Variants in NEDD4L observed in about 807,000 individuals in gnomAD.
The protein encoded by NEDD4L is E3 ubiquitin-protein ligase NEDD4-like.
A neutral mutation model predicts 148.9 loss-of-function variants in NEDD4L; 54 were observed. That is an observed-to-expected ratio of 0.36 (90% CI 0.29 to 0.45). The LOEUF is 0.45. NEDD4L is among the 20% of genes least tolerant of loss of function. The probability of loss-of-function intolerance (pLI) is 1.00; values close to 1 mark genes in which losing one functional copy is unlikely to be tolerated. For missense variants in NEDD4L, 856 were observed against 1,233.8 expected (o/e 0.69, Z 4.59); for synonymous variants, 433 against 440.7 (o/e 0.98, Z 0.22).
chr18:58,110,053 C>T (rs1170861369), intron 1 of NEDD4L, among the ~76,000 whole-genome samples: 1 of 80,108 alleles, frequency 1.2e-5, no homozygotes, highest in Non-Finnish European at 2.5e-5. Flanking sequence ...ACTTGGGCTG[C>T]CCTAGGGCTG....
intron 2 of NEDD4L, among the ~76,000 whole-genome samples, chr18:58,182,392 A>G (rs1346757715): frequency 1.3e-5 from 2 of 152,106 alleles, no homozygotes; most frequent in Non-Finnish European, 1.5e-5. Flanking sequence ...AAAAAGTGTC[A>G]GTTGAGATGA....
chr18:58,184,080 A>G (rs2039172124), intron 2 of NEDD4L, among the ~76,000 whole-genome samples: 2 of 151,906 alleles, frequency 1.3e-5, no homozygotes, highest in African/African-American at 2.4e-5. Context: ...GAGGCAGGAG[A>G]ATGGCGAGAA....
In NEDD4L at chr18:58,310,917, C is replaced by G. The variant is rs138668387; in HGVS notation, c.298-5065C>G. Among the ~76,000 whole-genome samples, 64 of 152,308 alleles carry G rather than the reference C, an allele frequency of 4.2e-4. 1 individual carries two copies. The highest frequency in any genetic ancestry group is 4.6e-4 in the Admixed American group (7 of 15,296). Reference sequence around the variant, plus strand: ...ACCTCGATCTGTAACATACAAAGATCTGATCATATGCTGTCTTTGCTTACA... The same window carrying G: ...ACCTCGATCTGTAACATACAAAGATGTGATCATATGCTGTCTTTGCTTACA... On this transcript the variant is annotated intron_variant, in intron 5 of 30. Transcript: ENST00000400345.
intron 13 of NEDD4L, among the ~76,000 whole-genome samples, chr18:58,338,361 C>T (rs2042023794): frequency 6.6e-6 from 1 of 152,240 alleles, no homozygotes; most frequent in African/African-American, 2.4e-5. Context: ...GTCCTGCCCC[C>T]TCAACTAGCC....
chr18:58,274,519 C>T (rs1041259331), intron 5 of NEDD4L, among the ~76,000 whole-genome samples: 5 of 152,170 alleles, frequency 3.3e-5, no homozygotes, highest in African/African-American at 1.2e-4. Context: ...TGATAAACAG[C>T]TGCAGTGCCC....
At chr18:58,091,477 G>A (rs1433588888) in intron 1 of NEDD4L, 4 of 152,334 alleles carry the variant, frequency 2.6e-5, no homozygotes, top group African/African-American at 9.6e-5. Context: ...GGGCTGGTAT[G>A]TGCTGGTGCC....
intron 1 of NEDD4L, among the ~76,000 whole-genome samples, chr18:58,141,216 A>G (rs1406699604): frequency 3.3e-5 from 5 of 152,184 alleles, no homozygotes; most frequent in African/African-American, 1.2e-4. Flanking sequence ...GGAGGTCATT[A>G]CCTGGCGGGG....
In NEDD4L at chr18:58,342,929, T is replaced by C. The variant is rs745620461; in HGVS notation, c.1401T>C (p.Arg467=). Reference sequence around the variant, plus strand: ...AGGGTGCCAAGGACTCACCCGTACGTCGGGCTGTGAAAGACACCCTTTCCA... The same window carrying C: ...AGGGTGCCAAGGACTCACCCGTACGCCGGGCTGTGAAAGACACCCTTTCCA... ...PLEGAKDSPV[R]RAVKDTLSNP... is the part of the protein sequence containing the mutation. Residue 467 remains arginine, a synonymous_variant, in exon 16 of 31, where the codon CGT becomes CGC. Coordinates refer to ENST00000400345, the MANE Select transcript of NEDD4L (RefSeq NM_001144967.3). 6.2e-7 allele frequency: 1 copy of C among 1,611,748 alleles called. No individual in the cohort carries two copies. Among genetic ancestry groups the C allele is most frequent in the Non-Finnish European group, 8.5e-7 (1 of 1,178,906 alleles).
chr18:58,168,153 A>G (rs1486232704), intron 2 of NEDD4L, among the ~76,000 whole-genome samples: 1 of 152,222 alleles, frequency 6.6e-6, no homozygotes, highest in Non-Finnish European at 1.5e-5. Flanking sequence ...AGTGCCAGAA[A>G]ATGCATCAGA....
At chr18:58,282,577 C>T (rs1568568670) in intron 5 of NEDD4L, among the ~76,000 whole-genome samples, 1 of 152,196 alleles carries the variant, frequency 6.6e-6, no homozygotes, top group Non-Finnish European at 1.5e-5. Context: ...TGGCTTATGT[C>T]AGTGAATTGG....
At chr18:58,341,827 C>T (rs776284909) in intron 15 of NEDD4L, 30 bp downstream of exon 15, 18 of 1,602,558 alleles carry the variant, frequency 1.1e-5, no homozygotes, top group Non-Finnish European at 1.4e-5. Context: ...TAACTGGACT[C>T]ACTCTGTCCT....
rs146399200 is a variant in NEDD4L at position 58,122,146 on chromosome 18, G to A, written c.49-43642G>A. ...GCCCTAGGGCTGGGGTGGAAGTGATGGTTTTGTGCCCACAACCTGATGGCA... is the reference window on the plus strand; with the variant it reads ...GCCCTAGGGCTGGGGTGGAAGTGATAGTTTTGTGCCCACAACCTGATGGCA... On this transcript the variant is annotated intron_variant, in intron 1 of 30. Transcript: ENST00000400345. 2.3e-3 allele frequency among the ~76,000 whole-genome samples: 349 copies of A among 152,312 alleles called. 4 individuals are homozygous for A. Among genetic ancestry groups the A allele is most frequent in the African/African-American group, 8.2e-3 (339 of 41,564 alleles).
rs934625165 is a variant in NEDD4L at position 58,335,598 on chromosome 18, G to C, written c.1125+61G>C. Reference sequence around the variant, plus strand: ...GGCCGTGAGGCAGTTTTAATATTTCGTGTAGTGGTGAATATACGCTGTTTT... The same window carrying C: ...GGCCGTGAGGCAGTTTTAATATTTCCTGTAGTGGTGAATATACGCTGTTTT... On this transcript the variant is annotated intron_variant, in intron 13 of 30. Coordinates refer to ENST00000400345, the MANE Select transcript of NEDD4L (RefSeq NM_001144967.3). The C allele has an allele frequency of 3.4e-5, 42 of 1,231,308 alleles. No individual in the cohort carries two copies. In the South Asian group the frequency reaches 4.4e-4, roughly 13 times the overall value. 76.3% of individuals were successfully genotyped at this position (1,231,308 alleles called of 1,614,324 possible). A position where few individuals can be genotyped will look rare whatever the true frequency, so the allele number is the denominator to read the frequency against.
chr18:58,164,472 A>G (rs1255929359), intron 1 of NEDD4L, among the ~76,000 whole-genome samples: 1 of 152,104 alleles, frequency 6.6e-6, no homozygotes. Context: ...GTCGCAAGGA[A>G]CCTTATGCAC....
chr18:58,187,407 A>G (rs1005507384), intron 2 of NEDD4L, among the ~76,000 whole-genome samples: 7 of 152,200 alleles, frequency 4.6e-5, no homozygotes, highest in Admixed American at 6.5e-5. Flanking sequence ...AGCAGAGGGC[A>G]GGGACCGGGG....
intron 1 of NEDD4L, among the ~76,000 whole-genome samples, chr18:58,102,824 T>C (rs2145519621): frequency 6.6e-6 from 1 of 152,294 alleles, no homozygotes; most frequent in South Asian, 2.1e-4. Flanking sequence ...TATCCTCAGG[T>C]GTCCTGGAAC....
At chr18:58,388,850 A>G (rs2049400919) in intron 27 of NEDD4L, 4 of 544,304 alleles carry the variant, frequency 7.3e-6, no homozygotes. Flanking sequence ...ATCCGATACG[A>G]CATGCCGTGG....
At chr18:58,353,132 G>A (rs570677648) in intron 18 of NEDD4L, among the ~76,000 whole-genome samples, 99 of 152,242 alleles carry the variant, frequency 6.5e-4, no homozygotes, top group Admixed American at 2.1e-3. Flanking sequence ...CCCCCACTCC[G>A]GCTTTCCACC....
intron 1 of NEDD4L, chr18:58,091,699 T>A (rs1242154882): frequency 1.1e-4 from 17 of 152,278 alleles, no homozygotes; most frequent in African/African-American, 4.1e-4. Flanking sequence ...AGCTTGCCCA[T>A]GTTCTAGCAG....
Sources: allele counts gnomAD v4.1 joint callset (sites outside exome capture counted in the v4.1 genomes callset), GRCh38; gene constraint gnomAD v4.1.1; transcripts MANE v1.5; gene names NCBI Gene and HGNC (gene_info 2026-07-23, HGNC 2026-07-21).